The following PDE10A variants were observed in gnomAD, a reference collection of about 807,000 sequenced individuals.
PDE10A encodes the protein cAMP and cAMP-inhibited cGMP 3',5'-cyclic phosphodiesterase 10A.
A neutral mutation model predicts 97.7 loss-of-function variants in PDE10A; 39 were observed. That is an observed-to-expected ratio of 0.40 (90% CI 0.31 to 0.52). The LOEUF is 0.52. PDE10A is among the 20% of genes least tolerant of loss of function. The probability of loss-of-function intolerance (pLI) is 0.56; values close to 1 mark genes in which losing one functional copy is unlikely to be tolerated. For missense variants in PDE10A, 731 were observed against 1,047.8 expected (o/e 0.70, Z 4.17); for synonymous variants, 371 against 376.8 (o/e 0.98, Z 0.18).
chr6:165,709,824 AC>A (rs1179563785), intron 1 of PDE10A, among the ~76,000 whole-genome samples: 1 of 145,842 alleles, frequency 6.9e-6, no homozygotes, highest in East Asian at 2.0e-4. Flanking sequence ...GGTCCCTTTC[AC>A]AGAAGACTGA....
chr6:165,980,656 C>A (rs2128503742), intron 1 of PDE10A, among the ~76,000 whole-genome samples: 1 of 152,270 alleles, frequency 6.6e-6, no homozygotes, highest in Admixed American at 6.5e-5. Context: ...TTCTGGTTGG[C>A]TTCATAAGAA....
chr6:165,358,523 T>TA (rs2128190800), intron 18 of PDE10A, among the ~76,000 whole-genome samples: 1 of 151,902 alleles, frequency 6.6e-6, no homozygotes, highest in Non-Finnish European at 1.5e-5. Flanking sequence ...TTTTTTTTTT[T>TA]AATGCTGTTG....
At chr6:165,641,576 C>T (rs554939053) in intron 1 of PDE10A, among the ~76,000 whole-genome samples, 1 of 152,212 alleles carries the variant, frequency 6.6e-6, no homozygotes, top group South Asian at 2.1e-4. Context: ...CCCATGATAA[C>T]CCACAGTCAG....
intron 1 of PDE10A, among the ~76,000 whole-genome samples, chr6:165,913,398 G>A (rs1041273741): frequency 1.8e-4 from 28 of 151,948 alleles, no homozygotes; most frequent in African/African-American, 6.5e-4. Flanking sequence ...ATAAAATGGT[G>A]TAGTGTTTGC....
chr6:165,442,532 C>T (rs113602631), intron 5 of PDE10A, among the ~76,000 whole-genome samples: 14,021 of 152,206 alleles, frequency 0.092, 812 homozygotes, highest in Middle Eastern at 0.19. Context: ...GAGTGCAAGG[C>T]GGGAAGTGCC....
chr6:165,897,922 A>G (rs1246221982), intron 1 of PDE10A, among the ~76,000 whole-genome samples: 3 of 151,746 alleles, frequency 2.0e-5, no homozygotes, highest in African/African-American at 7.3e-5. Flanking sequence ...CTCTCACCTC[A>G]TGTCCACCCA....
intron 1 of PDE10A, among the ~76,000 whole-genome samples, chr6:165,790,718 G>C (rs1470085361): frequency 1.3e-5 from 2 of 152,062 alleles, no homozygotes; most frequent in Non-Finnish European, 2.9e-5. Flanking sequence ...GTGGAGGCCT[G>C]CTTTTCTCAC....
rs1216997041 is a variant in PDE10A at position 165,505,430 on chromosome 6, T to C, written c.995-23087A>G. On this transcript the variant is annotated intron_variant, in intron 2 of 21. Coordinates refer to ENST00000539869, the MANE Select transcript of PDE10A (RefSeq NM_001385079.1). ...CAAACATAATAAGCCAACCACTGTATACCATTTTGTGATTAAACATACACT... is the reference window on the plus strand; with the variant it reads ...CAAACATAATAAGCCAACCACTGTACACCATTTTGTGATTAAACATACACT... Among the ~76,000 whole-genome samples the C allele has an allele frequency of 6.6e-5, 10 of 152,222 alleles. No homozygotes were observed. The East Asian group carries it at 9.6e-4, about 15-fold the overall frequency.
intron 1 of PDE10A, chr6:165,576,428 T>C (rs2128349925): frequency 1.3e-6 from 1 of 780,888 alleles, no homozygotes; most frequent in Non-Finnish European, 2.4e-6. Flanking sequence ...AATGTTGGGA[T>C]TTCCTCTCTT....
At chr6:165,499,571 C>T (rs1207766786) in intron 2 of PDE10A, among the ~76,000 whole-genome samples, 1 of 152,080 alleles carries the variant, frequency 6.6e-6, no homozygotes, top group Admixed American at 6.6e-5. Context: ...GACTTTTTAC[C>T]TATTTTAAAA....
intron 1 of PDE10A, among the ~76,000 whole-genome samples, chr6:165,670,764 T>TTCC (rs1158262438): frequency 6.6e-6 from 1 of 152,200 alleles, no homozygotes; most frequent in Non-Finnish European, 1.5e-5. Context: ...GGGTTTAAGA[T>TTCC]TCCTGGGGTC....
chr6:165,987,893 G>A (rs1303930017), exon 1 of PDE10A: 1 of 376,546 alleles, frequency 2.7e-6, no homozygotes, highest in South Asian at 2.0e-5. Flanking sequence ...ATGAAGACCA[G>A]TCCATCTCAG....
Position 165,640,272 on chromosome 6 carries a change from CTTTCTG to C in PDE10A, c.865+21669_865+21674del, listed in dbSNP as rs545288154. On this transcript the variant is annotated intron_variant, in intron 1 of 21. Coordinates refer to ENST00000539869, the MANE Select transcript of PDE10A (RefSeq NM_001385079.1). The stretch of plus-strand genomic sequence containing the variant: ...TAAAAATTTTTTAAAAATTGCCTGC[CTTTCTG>C]TTTCTGTTTACTTATTAGATACATA... Among the ~76,000 whole-genome samples, 248 of 152,102 alleles carry C rather than the reference CTTTCTG, an allele frequency of 1.6e-3. 1 individual carries two copies. The highest frequency in any genetic ancestry group is 5.5e-3 in the African/African-American group (230 of 41,498).
At chr6:165,387,797 G>A (rs1465475992) in intron 17 of PDE10A, among the ~76,000 whole-genome samples, 1 of 152,200 alleles carries the variant, frequency 6.6e-6, no homozygotes, top group Non-Finnish European at 1.5e-5. Context: ...ATTTAAGAAA[G>A]AAGGAGCGTA....
At chr6:165,686,655 T>G (rs1791129029) in intron 1 of PDE10A, among the ~76,000 whole-genome samples, 2 of 152,262 alleles carry the variant, frequency 1.3e-5, no homozygotes, top group Non-Finnish European at 2.9e-5. Context: ...ATTATGTTTG[T>G]ATGGGTTCTT....
chr6:165,379,168 T>G, intron 18 of PDE10A, 26 bp downstream of exon 18: 1 of 1,518,882 alleles, frequency 6.6e-7, no homozygotes, highest in Non-Finnish European at 9.0e-7. Context: ...TTTCTGGGCT[T>G]CTAAGCTTTT....
chr6:165,814,387 G>A (rs111749714), intron 1 of PDE10A, among the ~76,000 whole-genome samples: 109 of 152,190 alleles, frequency 7.2e-4, no homozygotes, highest in African/African-American at 2.0e-3. Flanking sequence ...TGAACATCAC[G>A]TGAAATAAGA....
At chr6:165,778,537 C>T (rs1778257396) in intron 1 of PDE10A, among the ~76,000 whole-genome samples, 1 of 152,144 alleles carries the variant, frequency 6.6e-6, no homozygotes, top group Admixed American at 6.5e-5. Context: ...TCCTGGTGCC[C>T]AGATGCATGC....
At chr6:165,409,310 GC>G in intron 13 of PDE10A, among the ~76,000 whole-genome samples, 1 of 152,300 alleles carries the variant, frequency 6.6e-6, no homozygotes, top group East Asian at 1.9e-4. Context: ...ACTTTGGGAG[GC>G]CGAGGCAGGC....
Sources: gnomAD v4.1 joint callset for allele counts (sites outside exome capture counted in the v4.1 genomes callset) on GRCh38, gnomAD v4.1.1 for gene constraint, MANE v1.5 for transcripts, NCBI Gene and HGNC (gene_info 2026-07-23, HGNC 2026-07-21) for gene names.